Variants in SLC5A4 observed in about 807,000 individuals in gnomAD.
The protein encoded by SLC5A4 is solute carrier family 5 member 4, also known as probable glucose sensor protein SLC5A4.
SLC5A4 carries 55 observed loss-of-function variants against 70.3 expected under a neutral mutation model. The observed-to-expected ratio is 0.78, with a 90% CI of 0.63 to 0.98. The LOEUF (loss-of-function observed/expected upper bound fraction) is 0.98. Ranked by LOEUF, SLC5A4 falls within the 50% of genes least tolerant of loss-of-function variation. The probability of loss-of-function intolerance (pLI) is 0.00; values close to 1 mark genes in which losing one functional copy is unlikely to be tolerated. For missense variants in SLC5A4, 735 were observed against 839.2 expected, an observed-to-expected ratio of 0.88 and a Z score of 1.53; for synonymous variants, 268 against 305.7, an observed-to-expected ratio of 0.88 and a Z score of 1.29.
At chr22:32,353,901 C>T in the SLC5A4 span, among the ~76,000 whole-genome samples, 4,166 of 151,602 alleles carry the variant, frequency 0.027, 188 homozygotes, top group African/African-American at 0.096. Context: ...GAAGTGCAAC[C>T]CCGGATAGTG....
At chr22:32,239,422 T>C (rs1275161539) in intron 5 of SLC5A4, among the ~76,000 whole-genome samples, 2 of 146,504 alleles carry the variant, frequency 1.4e-5, no homozygotes, top group African/African-American at 5.0e-5. Flanking sequence ...TTGACTGTGA[T>C]GGAGTATTTA....
At chr22:32,221,427 C>T (rs1925075486) in intron 13 of SLC5A4, among the ~76,000 whole-genome samples, 1 of 152,162 alleles carries the variant, frequency 6.6e-6, no homozygotes, top group Non-Finnish European at 1.5e-5. Context: ...AAACTATCTT[C>T]TTAAATTCTA....
chr22:32,300,189 T>A, the SLC5A4 span, among the ~76,000 whole-genome samples: 1 of 152,290 alleles, frequency 6.6e-6, no homozygotes, highest in African/African-American at 2.4e-5. Flanking sequence ...CCACCCAGTT[T>A]GAGCTTCCCA....
At chr22:32,277,441 C>A in the SLC5A4 span, among the ~76,000 whole-genome samples, 1 of 152,114 alleles carries the variant, frequency 6.6e-6, no homozygotes, top group Non-Finnish European at 1.5e-5. Context: ...ACAAAATTAT[C>A]CTGAAATTTC....
the SLC5A4 span, among the ~76,000 whole-genome samples, chr22:32,320,374 C>T: frequency 6.6e-6 from 1 of 152,204 alleles, no homozygotes; most frequent in African/African-American, 2.4e-5. Context: ...GATTATCCTA[C>T]AGACATGCTC....
At chr22:32,295,668 C>T in the SLC5A4 span, among the ~76,000 whole-genome samples, 8 of 90,788 alleles carry the variant, frequency 8.8e-5, no homozygotes, top group Admixed American at 2.5e-4. Flanking sequence ...TAATTAGATC[C>T]CATTTGTCAA....
the SLC5A4 span, among the ~76,000 whole-genome samples, chr22:32,340,757 G>A: frequency 6.6e-6 from 1 of 152,168 alleles, no homozygotes; most frequent in African/African-American, 2.4e-5. Flanking sequence ...AGGACAGAGG[G>A]ACAGTGGGGT....
the SLC5A4 span, among the ~76,000 whole-genome samples, chr22:32,303,674 T>G: frequency 6.6e-6 from 1 of 152,230 alleles, no homozygotes; most frequent in Non-Finnish European, 1.5e-5. Context: ...TTGTATTGTC[T>G]GGATGTACCA....
the SLC5A4 span, among the ~76,000 whole-genome samples, chr22:32,324,440 G>A: frequency 1.4e-4 from 22 of 152,136 alleles, no homozygotes; most frequent in East Asian, 1.2e-3. Context: ...GACTCTTACC[G>A]CTTTCAGTTT....
chr22:32,248,823 A>G (rs770535523), intron 3 of SLC5A4, 21 bp from the exon 4 acceptor site: 14 of 1,535,266 alleles, frequency 9.1e-6, no homozygotes, highest in Admixed American at 3.3e-5. Flanking sequence ...CCAAAATAAG[A>G]GACAGTGAGA....
the SLC5A4 span, among the ~76,000 whole-genome samples, chr22:32,346,953 C>T: frequency 3.3e-5 from 5 of 151,930 alleles, no homozygotes; most frequent in East Asian, 5.8e-4. Context: ...GCAACCTACT[C>T]ATCTGACAAA....
intron 5 of SLC5A4, among the ~76,000 whole-genome samples, chr22:32,245,998 C>G (rs1207212468): frequency 6.6e-6 from 1 of 152,222 alleles, no homozygotes; most frequent in Admixed American, 6.5e-5. Flanking sequence ...AGTGCCCTCT[C>G]CAAGAGTATG....
chr22:32,260,438 C>T, the SLC5A4 span, among the ~76,000 whole-genome samples: 14 of 151,144 alleles, frequency 9.3e-5, 1 homozygote, highest in Admixed American at 5.3e-4. Flanking sequence ...CAGGGAGAAA[C>T]GGTGGAGGAG....
chr22:32,305,340 T>C, the SLC5A4 span, among the ~76,000 whole-genome samples: 1 of 130,728 alleles, frequency 7.6e-6, no homozygotes, highest in African/African-American at 3.0e-5. Context: ...CTAATCCTTG[T>C]GCCTCTGTTG....
chr22:32,249,805 CTTGTGCT>C, intron 3 of SLC5A4, among the ~76,000 whole-genome samples: 1 of 152,224 alleles, frequency 6.6e-6, no homozygotes, highest in Non-Finnish European at 1.5e-5. Flanking sequence ...CATGTCCAGC[CTTGTGCT>C]AGAGCAAACT....
the SLC5A4 span, among the ~76,000 whole-genome samples, chr22:32,309,639 C>T: frequency 6.6e-6 from 1 of 152,052 alleles, no homozygotes; most frequent in Non-Finnish European, 1.5e-5. Flanking sequence ...CCCTTGACAC[C>T]ACTGGGGGAT....
chr22:32,336,895 C>T, the SLC5A4 span, among the ~76,000 whole-genome samples: 3 of 152,340 alleles, frequency 2.0e-5, no homozygotes, highest in South Asian at 6.2e-4. Context: ...GCATGGCCTA[C>T]GGCCAGCCTT....
chr22:32,338,782 C>T, the SLC5A4 span, among the ~76,000 whole-genome samples: 2 of 152,190 alleles, frequency 1.3e-5, no homozygotes, highest in Non-Finnish European at 2.9e-5. Context: ...GAGGCTGGTG[C>T]TGAAATCGAG....
At chr22:32,251,149 C>CAAAA (rs1169115054) in intron 3 of SLC5A4, among the ~76,000 whole-genome samples, 52 of 22,768 alleles carry the variant, frequency 2.3e-3, no homozygotes, top group Non-Finnish European at 3.6e-3. Flanking sequence ...AACAAATAAG[C>CAAAA]AAAAAAAAAA....
Sources: allele counts gnomAD v4.1 joint callset (sites outside exome capture counted in the v4.1 genomes callset), GRCh38; gene constraint gnomAD v4.1.1; transcripts MANE v1.5; gene names NCBI Gene and HGNC (gene_info 2026-07-23, HGNC 2026-07-21).